The following ALDH18A1 variants were observed in gnomAD, a reference collection of about 807,000 sequenced individuals.
ALDH18A1 encodes delta-1-pyrroline-5-carboxylate synthase.
Under a neutral mutation model 88.8 loss-of-function variants are expected in ALDH18A1, and 44 were observed. The observed-to-expected ratio is 0.50, with a 90% CI of 0.39 to 0.64. ALDH18A1 has a LOEUF of 0.64. Among genes scored for constraint, ALDH18A1 ranks in the 30% least tolerant of loss-of-function variants. ALDH18A1 has a pLI of 0.00. For missense variants in ALDH18A1, 782 were observed against 1,009.5 expected (o/e 0.77, Z 3.05); for synonymous variants, 331 against 372.1 (o/e 0.89, Z 1.27).
In ALDH18A1 at chr10:95,631,471, G is replaced by A. The variant is rs142017270; in HGVS notation, c.808+1488C>T. Among the ~76,000 whole-genome samples the A allele has an allele frequency of 4.1e-3, 626 of 152,172 alleles. 3 individuals are homozygous for A. Among genetic ancestry groups the A allele is most frequent in the Non-Finnish European group, 7.0e-3 (475 of 68,008 alleles). ...ATAAAAACAACTGAATAGGCCGGGC[G>A]CGGTGGCTCACACCTGTAATCCCAG... On this transcript the variant is annotated intron_variant, in intron 7 of 17. Coordinates refer to ENST00000371224, the MANE Select transcript of ALDH18A1 (RefSeq NM_002860.4).
chr10:95,653,139 G>T, intron 2 of ALDH18A1, 151 bp downstream of exon 2: 1 of 733,064 alleles, frequency 1.4e-6, no homozygotes, highest in Non-Finnish European at 2.4e-6. Flanking sequence ...ATGGAGCTAT[G>T]TTTGTGCCAC....
chr10:95,610,304 A>C lies in ALDH18A1; in HGVS notation c.2111-12T>G, dbSNP rs746451513. ...CTCCGCTGTGTTTTCTGCAGGGTGA[A>C]GAAGGAGAAACCAAGTTAGGATGAT... On this transcript the variant is annotated splice_polypyrimidine_tract_variant and intron_variant, in intron 16 of 17. Transcript: ENST00000371224. The C allele has an allele frequency of 1.9e-6, 3 of 1,613,470 alleles. No individual in the cohort carries two copies. The highest frequency in any genetic ancestry group is 2.5e-6 in the Non-Finnish European group (3 of 1,179,528).
chr10:95,619,327 T>C (rs1046766478), intron 12 of ALDH18A1, among the ~76,000 whole-genome samples: 13 of 152,186 alleles, frequency 8.5e-5, no homozygotes, highest in African/African-American at 2.4e-4. Context: ...TGCTCATGGA[T>C]AGGAAGAATC....
intron 16 of ALDH18A1, 140 bp downstream of exon 16, chr10:95,611,116 G>T: frequency 1.0e-6 from 1 of 981,080 alleles, no homozygotes; most frequent in East Asian, 2.4e-5. Context: ...ACTCATCAAA[G>T]TACCAAATGC....
rs1240748634 is a variant in ALDH18A1 at position 95,653,305 on chromosome 10, T to C, written c.73A>G (p.Thr25Ala). The C allele has an allele frequency of 6.2e-7, 1 of 1,609,086 alleles. No individual in the cohort carries two copies. The highest frequency in any genetic ancestry group is 1.7e-5 in the Admixed American group (1 of 59,126). The change falls in exon 2 of 18, where the codon ACC (threonine) becomes GCC (alanine). Residue 25 changes from threonine (T) to alanine (A), a missense_variant. This residue lies in a region of ALDH18A1 where 94 missense variants were observed against 99.5 expected (regional missense o/e 0.94). Coordinates refer to ENST00000371224, the MANE Select transcript of ALDH18A1 (RefSeq NM_002860.4). ...TGGTACATACGAGATCTGAAGACGG[T>C]TGTACACTTGACCCAGGGCAGAAGA... ...QHLLPWVKCT[T>A]VFRSHCIQPS... is the part of the protein sequence containing the mutation.
At chr10:95,616,938 A>G (rs1011689936) in intron 12 of ALDH18A1, among the ~76,000 whole-genome samples, 2 of 152,192 alleles carry the variant, frequency 1.3e-5, no homozygotes, top group African/African-American at 4.8e-5. Flanking sequence ...TGGCTTCCTT[A>G]GCACCATTAG....
intron 17 of ALDH18A1, among the ~76,000 whole-genome samples, chr10:95,607,230 T>G (rs939833484): frequency 6.6e-6 from 1 of 152,272 alleles, no homozygotes; most frequent in African/African-American, 2.4e-5. Context: ...GTCTCTTTTA[T>G]CAGTTTAGCA....
At chr10:95,629,084 C>T (rs945005195) in intron 7 of ALDH18A1, among the ~76,000 whole-genome samples, 43 of 152,114 alleles carry the variant, frequency 2.8e-4, no homozygotes, top group African/African-American at 1.0e-3. Context: ...AGTGTATGTC[C>T]CTTTTATAAC....
rs1348794404 is a variant in ALDH18A1 at position 95,653,336 on chromosome 10, G to A, written c.42C>T (p.Asn14=). 1.2e-6 allele frequency: 2 copies of A among 1,612,802 alleles called. No individual in the cohort carries two copies. The highest frequency in any genetic ancestry group is 1.3e-5 in the African/African-American group (1 of 74,426). Reference sequence around the variant, plus strand: ...ACTTGACCCAGGGCAGAAGATGTTGGTTGAAGGGCTGGAACCCACAGCGGT... The same window carrying A: ...ACTTGACCCAGGGCAGAAGATGTTGATTGAAGGGCTGGAACCCACAGCGGT... The part of the protein sequence containing the change: ...QVYRCGFQPF[N]QHLLPWVKCT... Residue 14 remains asparagine, a synonymous_variant, in exon 2 of 18, where the codon AAC becomes AAT. Coordinates refer to ENST00000371224, the MANE Select transcript of ALDH18A1 (RefSeq NM_002860.4).
intron 17 of ALDH18A1, among the ~76,000 whole-genome samples, chr10:95,608,863 A>G (rs893073066): frequency 7.2e-5 from 11 of 152,032 alleles, no homozygotes; most frequent in African/African-American, 2.2e-4. Flanking sequence ...TAAATGTATT[A>G]TTGGAGGTTT....
intron 5 of ALDH18A1, 86 bp downstream of exon 5, chr10:95,637,007 A>G: frequency 8.1e-7 from 1 of 1,231,758 alleles, no homozygotes; most frequent in South Asian, 1.3e-5. Context: ...CTGACACCAT[A>G]TTCCAATAGT....
intron 2 of ALDH18A1, among the ~76,000 whole-genome samples, chr10:95,644,095 A>G (rs965537226): frequency 2.0e-5 from 3 of 152,318 alleles, no homozygotes; most frequent in African/African-American, 7.2e-5. Context: ...GTGAGCCAAG[A>G]TCGTGCCACT....
At chr10:95,650,362 G>A (rs919612218) in intron 2 of ALDH18A1, among the ~76,000 whole-genome samples, 21 of 152,210 alleles carry the variant, frequency 1.4e-4, no homozygotes, top group African/African-American at 4.8e-4. Context: ...AAGTGCTATG[G>A]TTTGGATATG....
chr10:95,619,209 T>C (rs964243128), intron 12 of ALDH18A1, among the ~76,000 whole-genome samples: 9 of 151,910 alleles, frequency 5.9e-5, no homozygotes, highest in African/African-American at 2.2e-4. Flanking sequence ...GAGAATAAAA[T>C]ACCTAGGAAT....
At chr10:95,613,189 C>A (rs2097838534) in intron 15 of ALDH18A1, among the ~76,000 whole-genome samples, 1 of 152,214 alleles carries the variant, frequency 6.6e-6, no homozygotes, top group Admixed American at 6.5e-5. Context: ...GGACACAGCA[C>A]AACTTTATAT....
chr10:95,621,757 C>T (rs1221718574), intron 11 of ALDH18A1, among the ~76,000 whole-genome samples: 1 of 152,046 alleles, frequency 6.6e-6, no homozygotes, highest in Non-Finnish European at 1.5e-5. Context: ...TACCCTGATA[C>T]CCTTTGTCCC....
At position 95,627,473 on chromosome 10, in the gene ALDH18A1, A is replaced by C. The variant is rs2097862068; in HGVS notation, c.1047T>G (p.Val349=). The C allele has an allele frequency of 6.2e-7, 1 of 1,614,056 alleles. No homozygotes were observed. The highest frequency in any genetic ancestry group is 1.7e-5 in the Admixed American group (1 of 60,008). The change falls in exon 9 of 18, where the codon GTT becomes GTG. Residue 349 remains valine (V), a synonymous_variant. Transcript: ENST00000371224. ...GCTTTACTTCTGAAAAGAAGGTACC[A>C]ACTTTCTTCCCCTCCACAATGTCTG... ...VITDIVEGKK[V]GTFFSEVKPA...
intron 2 of ALDH18A1, among the ~76,000 whole-genome samples, chr10:95,646,924 G>C (rs542947340): frequency 6.6e-6 from 1 of 152,226 alleles, no homozygotes; most frequent in African/African-American, 2.4e-5. Flanking sequence ...GAATCCTTAT[G>C]CCCAGTAACC....
At chr10:95,618,582 G>T (rs1472142290) in intron 12 of ALDH18A1, among the ~76,000 whole-genome samples, 1 of 152,144 alleles carries the variant, frequency 6.6e-6, no homozygotes, top group Non-Finnish European at 1.5e-5. Flanking sequence ...CCAAAGTGCT[G>T]GGATTACAGG....
Sources: gnomAD v4.1 joint callset for allele counts (sites outside exome capture counted in the v4.1 genomes callset) on GRCh38, gnomAD v4.1.1 for gene constraint, gnomAD v4.1.1 regional missense constraint, MANE v1.5 for transcripts, NCBI Gene and HGNC (gene_info 2026-07-23, HGNC 2026-07-21) for gene names.